Variants in ALDH1L2 observed in about 807,000 individuals in gnomAD.
ALDH1L2 encodes aldehyde dehydrogenase 1 family member L2, also known as mitochondrial 10-formyltetrahydrofolate dehydrogenase.
In ALDH1L2, 91 loss-of-function variants were observed where a neutral mutation model predicts 111.0. That is an observed-to-expected ratio of 0.82 (90% CI 0.69 to 0.98). The LOEUF is 0.98. Among genes scored for constraint, ALDH1L2 ranks in the 50% least tolerant of loss-of-function variants. The pLI is 0.00. For synonymous variants in ALDH1L2, 374 were observed against 392.6 expected, an observed-to-expected ratio of 0.95 and a Z score of 0.56; for missense variants, 995 against 1,126.8, an observed-to-expected ratio of 0.88 and a Z score of 1.67.
Position 105,073,678 on chromosome 12 carries a change from G to A in ALDH1L2, c.193+183C>T, listed in dbSNP as rs1412994204. 7 of 739,780 alleles carry A rather than the reference G, an allele frequency of 9.5e-6. No individual in the cohort carries two copies. In the East Asian group the frequency reaches 1.9e-4, roughly 21 times the overall value. 45.8% of individuals were successfully genotyped at this position (739,780 alleles called of 1,614,324 possible). A position where few individuals can be genotyped will look rare whatever the true frequency, so the allele number is the denominator to read the frequency against. On this transcript the variant is annotated intron_variant, in intron 2 of 22. Coordinates refer to ENST00000258494, the MANE Select transcript of ALDH1L2 (RefSeq NM_001034173.4). ...GTTCTGGCCAATGGGATACAAGTGG[G>A]AGTAATATGGATTATGCCCTTAATA...
chr12:105,024,597 T>G, intron 22 of ALDH1L2, 118 bp from the exon 23 acceptor site: 1 of 972,974 alleles, frequency 1.0e-6, no homozygotes, highest in Non-Finnish European at 1.6e-6. Flanking sequence ...GAATGTGGCC[T>G]AAGCCAGTGC....
chr12:105,063,032 A>G lies in ALDH1L2; in HGVS notation c.787-10T>C, dbSNP rs2136093306. ...CATAGAAAGTGACCATCTAGTAAAG[A>G]GATCAAACACAGATTGTAAAATCAG... is the stretch of plus-strand genomic sequence containing the variant. On this transcript the variant is annotated splice_polypyrimidine_tract_variant and intron_variant, in intron 6 of 22. Coordinates refer to ENST00000258494, the MANE Select transcript of ALDH1L2 (RefSeq NM_001034173.4). 6.2e-7 allele frequency: 1 copy of G among 1,610,800 alleles called. No homozygotes were observed. The highest frequency in any genetic ancestry group is 8.5e-7 in the Non-Finnish European group (1 of 1,179,034).
chr12:105,036,436 A>G (rs1252425655), intron 18 of ALDH1L2, among the ~76,000 whole-genome samples: 2 of 109,142 alleles, frequency 1.8e-5, no homozygotes, highest in Admixed American at 2.3e-4. Flanking sequence ...ATGTGTATAT[A>G]TTATATATAT....
At chr12:105,071,100 G>A (rs552793280) in intron 2 of ALDH1L2, among the ~76,000 whole-genome samples, 146 of 152,226 alleles carry the variant, frequency 9.6e-4, no homozygotes, top group African/African-American at 3.4e-3. Context: ...CTTTATTACT[G>A]ATACAACATT....
intron 3 of ALDH1L2, among the ~76,000 whole-genome samples, chr12:105,070,286 C>T (rs1180066422): frequency 1.3e-5 from 2 of 152,184 alleles, no homozygotes; most frequent in East Asian, 3.9e-4. Flanking sequence ...CAGGGGAGTT[C>T]ATGCAACAGT....
Position 105,058,062 on chromosome 12 carries a change from GA to G in ALDH1L2, c.1287+10del. On this transcript the variant is annotated intron_variant, in intron 10 of 22. Transcript: ENST00000258494. The stretch of plus-strand genomic sequence containing the variant: ...ACTGATTTAGGGTTGCAACATCAAG[GA>G]AAAGCTTACATAATCTACAACCAGC... 4 of 1,609,012 alleles carry G rather than the reference GA, an allele frequency of 2.5e-6. No homozygotes were observed. Among genetic ancestry groups the G allele is most frequent in the Non-Finnish European group, 3.4e-6 (4 of 1,178,096 alleles).
chr12:105,052,944 T>C lies in ALDH1L2; in HGVS notation c.1288-13A>G. On this transcript the variant is annotated splice_polypyrimidine_tract_variant and intron_variant, in intron 10 of 22. Coordinates refer to ENST00000258494, the MANE Select transcript of ALDH1L2 (RefSeq NM_001034173.4). ...CCTCCTTTGAAATCTGAGAGAAGTA[T>C]ATTAATAGATTCAATGGATTTCCGT... is the stretch of plus-strand genomic sequence containing the variant. 6.2e-7 allele frequency: 1 copy of C among 1,612,092 alleles called. No individual in the cohort carries two copies. The highest frequency in any genetic ancestry group is 1.1e-5 in the South Asian group (1 of 90,912).
In ALDH1L2 at chr12:105,062,975, AG is replaced by A. The variant is rs1377057693; in HGVS notation, c.833del (p.Pro278LeufsTer31). On this transcript the variant is annotated frameshift_variant, in exon 7 of 23. Transcript: ENST00000258494. LOFTEE classifies it high-confidence loss of function. ...GSTLLNSSVPPGEPLEIKGAK... is the reference protein window; with the variant it reads ...GSTLLNSSVPXGEPLEIKGAK... ...CACCTTTAATTTCCAGTGGTTCTCCAGGAGGCACAGAGCTATTCAGTAATGT... is the reference window on the plus strand; with the variant it reads ...CACCTTTAATTTCCAGTGGTTCTCCAGAGGCACAGAGCTATTCAGTAATGT... 1 of 1,614,188 alleles carries A rather than the reference AG, an allele frequency of 6.2e-7. No individual in the cohort carries two copies. Among genetic ancestry groups the A allele is most frequent in the East Asian group, 2.2e-5 (1 of 44,886 alleles).
chr12:105,078,436 G>C (rs1477885461), intron 1 of ALDH1L2, among the ~76,000 whole-genome samples: 1 of 152,118 alleles, frequency 6.6e-6, no homozygotes, highest in Non-Finnish European at 1.5e-5. Context: ...TCCAGCCTGG[G>C]CGACAGAGCA....
intron 10 of ALDH1L2, among the ~76,000 whole-genome samples, chr12:105,055,387 C>G (rs1365851848): frequency 5.3e-5 from 8 of 152,122 alleles, no homozygotes; most frequent in Non-Finnish European, 1.2e-4. Context: ...TCAAGGAAGT[C>G]ATTGAACAAC....
chr12:105,040,839 A>C, intron 15 of ALDH1L2, 145 bp from the exon 16 acceptor site: 1 of 676,182 alleles, frequency 1.5e-6, no homozygotes, highest in Non-Finnish European at 2.6e-6. Flanking sequence ...TTTCAGACTT[A>C]CAAAAAGATG....
intron 15 of ALDH1L2, among the ~76,000 whole-genome samples, chr12:105,045,714 T>C (rs1235420636): frequency 6.6e-6 from 1 of 152,172 alleles, no homozygotes; most frequent in Admixed American, 6.5e-5. Flanking sequence ...TCGTTTTTAA[T>C]GATTAAAACA....
intron 21 of ALDH1L2, among the ~76,000 whole-genome samples, chr12:105,029,489 A>G (rs1874591981): frequency 6.6e-6 from 1 of 152,130 alleles, no homozygotes; most frequent in Non-Finnish European, 1.5e-5. Context: ...GCTGTGACTT[A>G]CCCATGTTAC....
intron 3 of ALDH1L2, among the ~76,000 whole-genome samples, 198 bp from the exon 4 acceptor site, chr12:105,069,082 A>G (rs1438264650): frequency 2.0e-5 from 3 of 152,190 alleles, no homozygotes; most frequent in Admixed American, 2.0e-4. Context: ...TTTATATAAT[A>G]CATCCTCATA....
Position 105,026,742 on chromosome 12 carries a change from T to C in ALDH1L2, c.2519A>G (p.Asp840Gly). ...IMVISKFQNGDIDGVLQRANS... is the reference protein window; with the variant it reads ...IMVISKFQNGGIDGVLQRANS... ...TGCTCGCTGCAACACTCCATCGATG[T>C]CCCTGTGTTTTTAGGAAGACATAAA... is the stretch of plus-strand genomic sequence containing the variant. Residue 840 changes from aspartate (D) to glycine (G), a missense_variant and splice_region_variant, in exon 22 of 23, where the codon GAC becomes GGC. Asp to Gly is a moderately conservative substitution (Grantham distance 94, BLOSUM62 -1). Coordinates refer to ENST00000258494, the MANE Select transcript of ALDH1L2 (RefSeq NM_001034173.4). 1 of 1,612,218 alleles carries C rather than the reference T, an allele frequency of 6.2e-7. No homozygotes were observed. Among genetic ancestry groups the C allele is most frequent in the Non-Finnish European group, 8.5e-7 (1 of 1,178,674 alleles).
In ALDH1L2 at chr12:105,043,790, A is replaced by G. The variant is rs144915205; in HGVS notation, c.1863+2920T>C. On this transcript the variant is annotated intron_variant, in intron 15 of 22. Transcript: ENST00000258494. ...ATTATAGGTTTGCATAATACATGGG[A>G]AAGCCTCTAGTATGGTTCTGGGCAA... Among the ~76,000 whole-genome samples the G allele has an allele frequency of 6.4e-4, 98 of 152,340 alleles. 1 individual carries two copies. The highest frequency in any genetic ancestry group is 2.2e-3 in the African/African-American group (92 of 41,586).
chr12:105,063,313 A>G (rs1340391526), intron 6 of ALDH1L2, among the ~76,000 whole-genome samples: 12 of 152,098 alleles, frequency 7.9e-5, no homozygotes, highest in Admixed American at 3.3e-4. Flanking sequence ...CGTCTCTACT[A>G]AAAATACAAA....
At chr12:105,035,037 T>A (rs564942951) in intron 18 of ALDH1L2, among the ~76,000 whole-genome samples, 5 of 152,224 alleles carry the variant, frequency 3.3e-5, no homozygotes, top group African/African-American at 1.2e-4. Flanking sequence ...CTTAAATTTA[T>A]TTTTTAGAGA....
Position 105,049,935 on chromosome 12 carries a change from A to G in ALDH1L2, c.1659T>C (p.Tyr553=). 1 of 1,611,728 alleles carries G rather than the reference A, an allele frequency of 6.2e-7. No homozygotes were observed. Among genetic ancestry groups the G allele is most frequent in the Non-Finnish European group, 8.5e-7 (1 of 1,178,882 alleles). ...HIGMSVQTFR[Y]FAGWCDKIQG... is the part of the protein sequence containing the mutation. ...GAATTTTGTCGCACCAGCCAGCAAA[A>G]TATCTGAATGTTTGCACAGACATTC... is the stretch of plus-strand genomic sequence containing the variant. Residue 553 remains tyrosine (Y), a synonymous_variant, in exon 13 of 23, where the codon TAT becomes TAC. Coordinates refer to ENST00000258494, the MANE Select transcript of ALDH1L2 (RefSeq NM_001034173.4).
Sources: allele counts gnomAD v4.1 joint callset (sites outside exome capture counted in the v4.1 genomes callset), GRCh38; gene constraint gnomAD v4.1.1; transcripts MANE v1.5; gene names NCBI Gene and HGNC (gene_info 2026-07-23, HGNC 2026-07-21).